DNAH1: variants seen among roughly 807,000 people sequenced by gnomAD.
The protein encoded by DNAH1 is axonemal beta dynein heavy chain 1.
A neutral mutation model predicts 484.3 loss-of-function variants in DNAH1; 327 were observed. The observed-to-expected ratio is 0.68, with a 90% CI of 0.62 to 0.74. The LOEUF (loss-of-function observed/expected upper bound fraction) is 0.74, where lower values mean the gene tolerates loss of function less well. DNAH1 is among the 30% of genes least tolerant of loss of function. The probability of loss-of-function intolerance (pLI) is 0.00; values close to 1 mark genes in which losing one functional copy is unlikely to be tolerated. For synonymous variants in DNAH1, 2,192 were observed against 2,191.9 expected (o/e 1.00, Z 0.00); for missense variants, 5,052 against 5,546.8 (o/e 0.91, Z 2.83).
Position 52,395,594 on chromosome 3 carries a change from A to G in DNAH1, c.11175A>G (p.Lys3725=). ...TGCGCAGCTCCATAGAGAGGGGCAA[A>G]TGGGTCTTCTTCCAGAACTGCCACC... ...AMMRSSIERG[K]WVFFQNCHLA... The change falls in exon 70 of 78, where the codon AAA becomes AAG. Residue 3725 remains lysine, a synonymous_variant. Transcript: ENST00000420323. This position sits in a 1 kb window ranked among gnomAD's most constrained non-coding sequence, Gnocchi z 4.4. The G allele has an allele frequency of 1.9e-6, 3 of 1,613,780 alleles. No homozygotes were observed. Among genetic ancestry groups the G allele is most frequent in the Non-Finnish European group, 2.5e-6 (3 of 1,179,890 alleles).
chr3:52,390,845 G>A, intron 60 of DNAH1, 90 bp from the exon 61 acceptor site: 1 of 1,530,192 alleles, frequency 6.5e-7, no homozygotes, highest in Non-Finnish European at 8.8e-7. Context: ...GAAGTCCATA[G>A]CCGAAACACG....
rs200622578 is a variant in DNAH1 at position 52,395,382 on chromosome 3, A to G, written c.11043A>G (p.Thr3681=). 279 of 1,613,888 alleles carry G rather than the reference A, an allele frequency of 1.7e-4. 1 individual carries two copies. The African/African-American group carries it at 3.4e-3, about 20-fold the overall frequency. Residue 3681 remains threonine, a synonymous_variant, in exon 69 of 78, where the codon ACA becomes ACG. Transcript: ENST00000420323. This position sits in a 1 kb window ranked among gnomAD's most constrained non-coding sequence, Gnocchi z 4.4. ...TCATCTTTGTGCTGTCACCCGGCAC[A>G]GACCCTGCTGCCGACCTCTACAAGT... is the stretch of plus-strand genomic sequence containing the variant. The part of the protein sequence containing the change: ...TPLIFVLSPG[T]DPAADLYKFA...
At chr3:52,359,707 G>A (rs765583390) in intron 26 of DNAH1, among the ~76,000 whole-genome samples, 9 of 152,326 alleles carry the variant, frequency 5.9e-5, no homozygotes, top group Non-Finnish European at 1.3e-4. Flanking sequence ...CAGACAGCAC[G>A]ACATGCTGCA....
rs1280654511 is a variant in DNAH1 at position 52,357,987 on chromosome 3, T to C, written c.4070T>C (p.Phe1357Ser). Residue 1357 changes from phenylalanine (F) to serine (S), a missense_variant, in exon 24 of 78, where the codon TTC (phenylalanine) becomes TCC (serine). By Grantham distance (155) the Phe-to-Ser change is radical. Around this residue, in one of 4 missense-constraint regions of DNAH1, gnomAD observed 2,929 missense variants for 3,409.4 expected, o/e 0.86. Transcript: ENST00000420323. Reference sequence around the variant, plus strand: ...GTGCAGCCACACCTGCGCAAGTGCTTCGAGAACATCGCTCGGGTGGGCAGC... The same window carrying C: ...GTGCAGCCACACCTGCGCAAGTGCTCCGAGAACATCGCTCGGGTGGGCAGC... ...TAVQPHLRKC[F>S]ENIARLLFQE... 1 of 1,609,748 alleles carries C rather than the reference T, an allele frequency of 6.2e-7. No individual in the cohort carries two copies. Among genetic ancestry groups the C allele is most frequent in the Non-Finnish European group, 8.5e-7 (1 of 1,177,440 alleles).
In DNAH1 at chr3:52,395,500, G is replaced by C; in HGVS notation, c.11127+34G>C. ...TAGGCAGGGAGGAAGGGAGTGGGCT[G>C]GGGGGTGGGCAAGCTGGCCCCCTGC... On this transcript the variant is annotated intron_variant, in intron 69 of 77. Transcript: ENST00000420323. This position sits in a 1 kb window ranked among gnomAD's most constrained non-coding sequence, Gnocchi z 4.4. 1 of 1,613,170 alleles carries C rather than the reference G, an allele frequency of 6.2e-7. No homozygotes were observed. The highest frequency in any genetic ancestry group is 8.5e-7 in the Non-Finnish European group (1 of 1,179,454).
rs992024478 is a variant in DNAH1 at position 52,364,151 on chromosome 3, T to G, written c.5245-487T>G. On this transcript the variant is annotated intron_variant, in intron 32 of 77. Transcript: ENST00000420323. This position sits in a 1 kb window ranked among gnomAD's most constrained non-coding sequence, Gnocchi z 4.2. ...GTTGGGCACCATGGGGCAGAATGATTAATTTAACTATTTCCAACTCACTTA... is the reference window on the plus strand; with the variant it reads ...GTTGGGCACCATGGGGCAGAATGATGAATTTAACTATTTCCAACTCACTTA... Among the ~76,000 whole-genome samples, 2 of 152,134 alleles carry G rather than the reference T, an allele frequency of 1.3e-5. No individual in the cohort carries two copies. The highest frequency in any genetic ancestry group is 4.8e-5 in the African/African-American group (2 of 41,434).
rs1380645631 is a variant in DNAH1, at chr3:52,362,150, G to A, written c.4981-238G>A. On this transcript the variant is annotated intron_variant, in intron 30 of 77. Transcript: ENST00000420323. This position sits in a 1 kb window ranked among gnomAD's most constrained non-coding sequence, Gnocchi z 5.1. ...TGGGGGTGGAGCGAGTGGGAAGCAG[G>A]AGATGTGGAGACCTCCAAGGGCCTG... Among the ~76,000 whole-genome samples, 4 of 152,210 alleles carry A rather than the reference G, an allele frequency of 2.6e-5. No homozygotes were observed. Among genetic ancestry groups the A allele is most frequent in the Non-Finnish European group, 5.9e-5 (4 of 68,026 alleles).
chr3:52,329,683 G>A (rs1701471936), intron 6 of DNAH1, among the ~76,000 whole-genome samples: 1 of 152,032 alleles, frequency 6.6e-6, no homozygotes, highest in African/African-American at 2.4e-5. Context: ...AAATTAGCTG[G>A]GCATGATGGT....
intron 8 of DNAH1, among the ~76,000 whole-genome samples, chr3:52,333,794 T>G (rs546235273): frequency 6.6e-6 from 1 of 152,170 alleles, no homozygotes; most frequent in Non-Finnish European, 1.5e-5. Flanking sequence ...AGTACAGTAT[T>G]CAATACATTT....
At position 52,380,162 on chromosome 3, in the gene DNAH1, C is replaced by T. The variant is rs556416771; in HGVS notation, c.7608+27C>T. ...TGAGGGGCCCAGGCAGGCGCCCTGC[C>T]CCTGGTGGGGTCCTCTTCAATCTGC... On this transcript the variant is annotated intron_variant, in intron 48 of 77. Coordinates refer to ENST00000420323, the MANE Select transcript of DNAH1 (RefSeq NM_015512.5). 19 of 1,553,546 alleles carry T rather than the reference C, an allele frequency of 1.2e-5. No individual in the cohort carries two copies. In the South Asian group the frequency reaches 2.1e-4, roughly 17 times the overall value.
chr3:52,328,200 C>G lies in DNAH1; in HGVS notation c.871+186C>G, dbSNP rs1245342810. 2.0e-5 allele frequency among the ~76,000 whole-genome samples: 3 copies of G among 152,280 alleles called. No individual in the cohort carries two copies. In the East Asian group the frequency reaches 5.8e-4, roughly 29 times the overall value. On this transcript the variant is annotated intron_variant, in intron 6 of 77. Transcript: ENST00000420323. ...GGAATGCAGGGACCAGGGAAAACAT[C>G]GTTGGGAGAGCTGGAAAAGGGACAG...
At position 52,326,639 on chromosome 3, in the gene DNAH1, C is replaced by T. The variant is rs954311962; in HGVS notation, c.582-96C>T. On this transcript the variant is annotated intron_variant, in intron 4 of 77. Coordinates refer to ENST00000420323, the MANE Select transcript of DNAH1 (RefSeq NM_015512.5). ...CTCCAGAGGGGTCTCTCGGCCACACCCCTGTCCCCACAACCCCGTAGGCCC... is the reference window on the plus strand; with the variant it reads ...CTCCAGAGGGGTCTCTCGGCCACACTCCTGTCCCCACAACCCCGTAGGCCC... 2.8e-6 allele frequency: 4 copies of T among 1,451,818 alleles called. No individual in the cohort carries two copies. The East Asian group carries it at 6.9e-5, about 25-fold the overall frequency. 89.9% of individuals were successfully genotyped at this position (1,451,818 alleles called of 1,614,324 possible).
chr3:52,337,018 A>G (rs1465215678), intron 8 of DNAH1, among the ~76,000 whole-genome samples: 1 of 152,180 alleles, frequency 6.6e-6, no homozygotes, highest in Non-Finnish European at 1.5e-5. Context: ...ATTGCTTTAG[A>G]CAGTGTGGCC....
intron 66 of DNAH1, among the ~76,000 whole-genome samples, chr3:52,394,066 C>A (rs1335309439): frequency 2.6e-5 from 4 of 152,262 alleles, no homozygotes; most frequent in African/African-American, 9.6e-5. Context: ...GCCTCCCACA[C>A]CTGCTTGGCC....
At chr3:52,318,325 C>G (rs1245645900) in intron 1 of DNAH1, among the ~76,000 whole-genome samples, 1 of 152,218 alleles carries the variant, frequency 6.6e-6, no homozygotes, top group Non-Finnish European at 1.5e-5. Context: ...GGATTACAGG[C>G]GTGAGCCACT....
intron 6 of DNAH1, among the ~76,000 whole-genome samples, chr3:52,330,011 T>C (rs934102917): frequency 6.6e-6 from 1 of 152,178 alleles, no homozygotes; most frequent in African/African-American, 2.4e-5. Context: ...GATTTTACCA[T>C]GTTGCCCAAG....
Position 52,378,633 on chromosome 3 carries a change from G to A in DNAH1, c.7230G>A (p.Glu2410=), listed in dbSNP as rs745674705. Reference sequence around the variant, plus strand: ...CCCCCCACATTGCCCACTTCACGGAGCCCCTTGTGGAAGCCACCATCATGG... The same window carrying A: ...CCCCCCACATTGCCCACTTCACGGAACCCCTTGTGGAAGCCACCATCATGG... ...PGAPHIAHFT[E]PLVEATIMVY... Residue 2410 remains glutamate, a synonymous_variant, in exon 47 of 78, where the codon GAG becomes GAA. Transcript: ENST00000420323. 2 of 1,613,602 alleles carry A rather than the reference G, an allele frequency of 1.2e-6. No homozygotes were observed. The highest frequency in any genetic ancestry group is 1.7e-6 in the Non-Finnish European group (2 of 1,179,812).
chr3:52,311,361 G>C (rs1398425494), upstream of DNAH1, among the ~76,000 whole-genome samples: 2 of 152,182 alleles, frequency 1.3e-5, no homozygotes, highest in Non-Finnish European at 2.9e-5. Context: ...TTAAGTTCTG[G>C]GTTGGCTCAT....
At chr3:52,399,237 C>A (rs1345484363) in intron 76 of DNAH1, 36 bp downstream of exon 76, 1 of 1,565,512 alleles carries the variant, frequency 6.4e-7, no homozygotes, top group South Asian at 1.2e-5. Flanking sequence ...AGGTGACAGG[C>A]TAGGGTACAG....
Sources: gnomAD v4.1 joint callset for allele counts (sites outside exome capture counted in the v4.1 genomes callset) on GRCh38, gnomAD v4.1.1 for gene constraint, gnomAD v4.1.1 regional missense constraint, Gnocchi (gnomAD v3.1) non-coding constraint, MANE v1.5 for transcripts, NCBI Gene and HGNC (gene_info 2026-07-23, HGNC 2026-07-21) for gene names.